KCNQ5: variants seen among roughly 807,000 people sequenced by gnomAD.
The protein encoded by KCNQ5 is potassium voltage-gated channel subfamily KQT member 5.
KCNQ5 carries 30 observed loss-of-function variants against 98.2 expected under a neutral mutation model. The ratio of observed to expected loss-of-function variants is 0.31; its 90% CI spans 0.23 to 0.41. KCNQ5 has a LOEUF of 0.41. KCNQ5 is among the 10% of genes least tolerant of loss of function. The pLI is 1.00. For missense variants in KCNQ5, 835 were observed against 1,182.5 expected (o/e 0.71, Z 4.31); for synonymous variants, 458 against 449.4 (o/e 1.02, Z -0.24).
chr6:72,787,024 A>AC (rs1400586843), intron 1 of KCNQ5, among the ~76,000 whole-genome samples: 3 of 150,740 alleles, frequency 2.0e-5, no homozygotes, highest in Non-Finnish European at 4.4e-5. Flanking sequence ...AAAAAAAAAA[A>AC]AAAAAGAAAT....
At chr6:73,063,325 T>A (rs1772867211) in intron 3 of KCNQ5, among the ~76,000 whole-genome samples, 1 of 152,182 alleles carries the variant, frequency 6.6e-6, no homozygotes, top group South Asian at 2.1e-4. Flanking sequence ...GACAATGTGT[T>A]TCACCGCCTG....
chr6:72,961,244 A>T (rs995231457), intron 1 of KCNQ5, among the ~76,000 whole-genome samples: 69 of 152,362 alleles, frequency 4.5e-4, no homozygotes, highest in African/African-American at 1.5e-3. Context: ...AGATAATGAC[A>T]CAAAATACAC....
At chr6:72,652,370 T>G (rs1765921491) in intron 1 of KCNQ5, among the ~76,000 whole-genome samples, 4 of 151,994 alleles carry the variant, frequency 2.6e-5, no homozygotes, top group Admixed American at 2.6e-4. Flanking sequence ...TCTGAATCAT[T>G]CTCTCCAATT....
intron 10 of KCNQ5, among the ~76,000 whole-genome samples, chr6:73,141,649 G>A (rs976746548): frequency 6.6e-6 from 1 of 152,116 alleles, no homozygotes; most frequent in African/African-American, 2.4e-5. Flanking sequence ...CTCCCTTCCA[G>A]CAGAAACTGA....
chr6:72,966,774 C>T (rs748662530), intron 1 of KCNQ5, among the ~76,000 whole-genome samples: 2 of 152,204 alleles, frequency 1.3e-5, no homozygotes, highest in Non-Finnish European at 1.5e-5. Context: ...CCAAATGCTT[C>T]GAGAATTTAC....
chr6:72,679,272 A>G (rs1767571764), intron 1 of KCNQ5, among the ~76,000 whole-genome samples: 1 of 152,162 alleles, frequency 6.6e-6, no homozygotes, highest in South Asian at 2.1e-4. Context: ...ACACATGCAC[A>G]CGTATGTTTA....
At chr6:72,902,007 T>C (rs2150195381) in intron 1 of KCNQ5, among the ~76,000 whole-genome samples, 1 of 152,350 alleles carries the variant, frequency 6.6e-6, no homozygotes, top group South Asian at 2.1e-4. Context: ...TTTGTGTGTA[T>C]CATCTATGAT....
At chr6:72,685,704 A>G (rs984189744) in intron 1 of KCNQ5, among the ~76,000 whole-genome samples, 5 of 152,208 alleles carry the variant, frequency 3.3e-5, no homozygotes, top group Non-Finnish European at 1.5e-5. Flanking sequence ...GAACTAATTT[A>G]TTTAACTGCC....
chr6:72,772,614 T>C (rs1030402124), intron 1 of KCNQ5, among the ~76,000 whole-genome samples: 5 of 151,944 alleles, frequency 3.3e-5, no homozygotes, highest in African/African-American at 1.2e-4. Flanking sequence ...GTAGGGAAAG[T>C]GCTATGCATC....
At chr6:73,076,530 T>C (rs537035071) in intron 3 of KCNQ5, among the ~76,000 whole-genome samples, 5 of 152,326 alleles carry the variant, frequency 3.3e-5, no homozygotes. Flanking sequence ...GATGCTCTTT[T>C]TCTCTTTTTT....
chr6:72,760,846 G>T (rs755470967), intron 1 of KCNQ5, among the ~76,000 whole-genome samples: 3 of 151,958 alleles, frequency 2.0e-5, no homozygotes, highest in Non-Finnish European at 4.4e-5. Flanking sequence ...AAAAATTTTC[G>T]CAAGGAATGC....
In KCNQ5 at chr6:72,852,640, A is replaced by AATAAATAAATATAT. The variant is rs1026407821; in HGVS notation, c.399-151265_399-151264insAATAAATATATATA. ...AGTGGAGAGAAGGAGATGAAGGGGA[A>AATAAATAAATATAT]ATATATATATATATATATATAAATG... On this transcript the variant is annotated intron_variant, in intron 1 of 13. Transcript: ENST00000370398. Among the ~76,000 whole-genome samples, 25 of 56,788 alleles carry AATAAATAAATATAT rather than the reference A, an allele frequency of 4.4e-4. 1 individual carries two copies. Among genetic ancestry groups the AATAAATAAATATAT allele is most frequent in the Non-Finnish European group, 7.0e-4 (21 of 30,188 alleles). The allele number at this position is 56,788 out of a possible 152,430, so 37.3% of individuals were successfully genotyped here.
At chr6:73,177,095 G>T (rs535456589) in intron 11 of KCNQ5, among the ~76,000 whole-genome samples, 2 of 152,190 alleles carry the variant, frequency 1.3e-5, no homozygotes, top group Non-Finnish European at 2.9e-5. Context: ...TCAAGTAGGA[G>T]GCAGATGTCA....
At chr6:73,187,999 T>C (rs1283044930) in intron 11 of KCNQ5, among the ~76,000 whole-genome samples, 1 of 152,046 alleles carries the variant, frequency 6.6e-6, no homozygotes, top group Non-Finnish European at 1.5e-5. Flanking sequence ...GGTTCACATC[T>C]GGGCAGATGC....
At chr6:72,734,815 G>T (rs940616467) in intron 1 of KCNQ5, among the ~76,000 whole-genome samples, 1 of 152,120 alleles carries the variant, frequency 6.6e-6, no homozygotes, top group East Asian at 1.9e-4. Flanking sequence ...TTTAGGCCCT[G>T]TAGTAACAGA....
At chr6:73,011,132 A>G (rs1308519287) in intron 2 of KCNQ5, among the ~76,000 whole-genome samples, 1 of 152,148 alleles carries the variant, frequency 6.6e-6, no homozygotes, top group Non-Finnish European at 1.5e-5. Context: ...CTACAAAGCT[A>G]CAGTAATCAA....
intron 1 of KCNQ5, among the ~76,000 whole-genome samples, chr6:72,771,242 C>T (rs753626331): frequency 3.3e-5 from 5 of 151,990 alleles, no homozygotes; most frequent in Non-Finnish European, 5.9e-5. Context: ...AGTAAGTAGG[C>T]ATTTAGGGCT....
At chr6:72,969,538 C>T (rs929078914) in intron 1 of KCNQ5, among the ~76,000 whole-genome samples, 1 of 152,122 alleles carries the variant, frequency 6.6e-6, no homozygotes, top group Non-Finnish European at 1.5e-5. Context: ...ACTCTTGTAA[C>T]ATTCCCAACT....
intron 1 of KCNQ5, among the ~76,000 whole-genome samples, chr6:72,983,405 CTTCAT>C (rs1378667935): frequency 1.3e-5 from 2 of 152,230 alleles, no homozygotes; most frequent in Admixed American, 1.3e-4. Context: ...TCTCTTCTCA[CTTCAT>C]TTCATTAATT....
Sources: allele counts gnomAD v4.1 joint callset (sites outside exome capture counted in the v4.1 genomes callset), GRCh38; gene constraint gnomAD v4.1.1; transcripts MANE v1.5; gene names NCBI Gene and HGNC (gene_info 2026-07-23, HGNC 2026-07-21).